KNDC1: variants seen among roughly 807,000 people sequenced by gnomAD.
The protein encoded by KNDC1 is kinase non-catalytic C-lobe domain-containing protein 1.
Under a neutral mutation model 172.8 loss-of-function variants are expected in KNDC1, and 106 were observed. The ratio of observed to expected loss-of-function variants is 0.61; its 90% CI spans 0.52 to 0.72. The LOEUF (loss-of-function observed/expected upper bound fraction) is 0.72, where lower values mean the gene tolerates loss of function less well. KNDC1 is among the 30% of genes least tolerant of loss of function. KNDC1 has a pLI of 0.00. For missense variants in KNDC1, 2,325 were observed against 2,394.5 expected, an observed-to-expected ratio of 0.97 and a Z score of 0.61; for synonymous variants, 1,083 against 1,062.2, an observed-to-expected ratio of 1.02 and a Z score of -0.38.
intron 6 of KNDC1, among the ~76,000 whole-genome samples, chr10:133,188,129 G>A (rs1438623379): frequency 6.6e-6 from 1 of 152,154 alleles, no homozygotes; most frequent in Non-Finnish European, 1.5e-5. Context: ...GCGTCCGTCC[G>A]TGGATGCCTG....
chr10:133,212,708 C>T lies in KNDC1; in HGVS notation c.4237-8C>T. ...CTTAGGCCCCTCAGTGCCCGGCCTGCCCTGCAGAGCTTCCCCTGGAGGCTG... is the reference window on the plus strand; with the variant it reads ...CTTAGGCCCCTCAGTGCCCGGCCTGTCCTGCAGAGCTTCCCCTGGAGGCTG... On this transcript the variant is annotated splice_region_variant and splice_polypyrimidine_tract_variant and intron_variant, in intron 23 of 29. Coordinates refer to ENST00000304613, the MANE Select transcript of KNDC1 (RefSeq NM_152643.8). 1 of 1,611,314 alleles carries T rather than the reference C, an allele frequency of 6.2e-7. No homozygotes were observed. The highest frequency in any genetic ancestry group is 8.5e-7 in the Non-Finnish European group (1 of 1,179,194).
In KNDC1 at chr10:133,186,252, C is replaced by A; in HGVS notation, c.904C>A (p.Leu302Met). The change falls in exon 6 of 30, where the codon CTG becomes ATG. Residue 302 changes from leucine to methionine, a missense_variant. Physicochemically the swap from Leu to Met is conservative, Grantham distance 15. Coordinates refer to ENST00000304613, the MANE Select transcript of KNDC1 (RefSeq NM_152643.8). Reference sequence around the variant, plus strand: ...CAGAGACGCCCTCAGGAGAAGCCGCCTGCGGAAGGTGCAGACGTTCCCTAG... The same window carrying A: ...CAGAGACGCCCTCAGGAGAAGCCGCATGCGGAAGGTGCAGACGTTCCCTAG... ...LDRDALRRSR[L>M]RKVQTFPRLL... 6.2e-7 allele frequency: 1 copy of A among 1,600,534 alleles called. No individual in the cohort carries two copies. The highest frequency in any genetic ancestry group is 1.1e-5 in the South Asian group (1 of 89,538).
chr10:133,196,307 G>A (rs555224715), intron 10 of KNDC1, among the ~76,000 whole-genome samples: 1 of 150,892 alleles, frequency 6.6e-6, no homozygotes, highest in Admixed American at 6.6e-5. Flanking sequence ...GGGTTCTAAC[G>A]TACTCCTGCT....
chr10:133,181,834 C>CACACACACACACACACACACA (rs1564881077), intron 3 of KNDC1, among the ~76,000 whole-genome samples: 1,986 of 138,818 alleles, frequency 0.014, 30 homozygotes, highest in East Asian at 0.028. Context: ...CCAGGACCGT[C>CACACACACACACACACACACA]CACACACACA....
intron 22 of KNDC1, 41 bp from the exon 23 acceptor site, chr10:133,211,638 G>A (rs1274064389): frequency 1.3e-6 from 2 of 1,592,080 alleles, no homozygotes; most frequent in African/African-American, 1.3e-5. Context: ...CCCTCCTCCA[G>A]AAGGTGGCAG....
rs752801503 is a variant in KNDC1 at position 133,201,526 on chromosome 10, G to A, written c.3015G>A (p.Arg1005=). The change falls in exon 17 of 30, where the codon AGG becomes AGA. Residue 1005 remains arginine (R), a synonymous_variant. Coordinates refer to ENST00000304613, the MANE Select transcript of KNDC1 (RefSeq NM_152643.8). Reference sequence around the variant, plus strand: ...GAAAAGAGAAGCCAGCCATGGCCAGGACCAGCAGCAGGGCCCCCTGCTCAC... The same window carrying A: ...GAAAAGAGAAGCCAGCCATGGCCAGAACCAGCAGCAGGGCCCCCTGCTCAC... ...RLGKEKPAMA[R]TSSRAPCSPT... 4 of 1,608,404 alleles carry A rather than the reference G, an allele frequency of 2.5e-6. No individual in the cohort carries two copies. The highest frequency in any genetic ancestry group is 1.3e-5 in the African/African-American group (1 of 74,752).
chr10:133,169,782 G>A (rs1035682537), intron 3 of KNDC1, among the ~76,000 whole-genome samples: 1 of 152,242 alleles, frequency 6.6e-6, no homozygotes, highest in African/African-American at 2.4e-5. Flanking sequence ...CCTGGTGGCT[G>A]TGATCCCTGG....
rs185797444 is a variant in KNDC1 at position 133,174,429 on chromosome 10, C to T, written c.360+6117C>T. Among the ~76,000 whole-genome samples, 603 of 140,858 alleles carry T rather than the reference C, an allele frequency of 4.3e-3. 19 individuals are homozygous for T. In the Middle Eastern group the frequency reaches 0.043, roughly 10 times the overall value. The allele number at this position is 140,858 out of a possible 152,430, so 92.4% of individuals were successfully genotyped here. ...CGGTGAAGATGGGGAACTTCCAACA[C>T]AGAAGGAAGGGCGGTGAGTGGGAAG... On this transcript the variant is annotated intron_variant, in intron 3 of 29. Coordinates refer to ENST00000304613, the MANE Select transcript of KNDC1 (RefSeq NM_152643.8).
Position 133,196,201 on chromosome 10 carries a change from C to A in KNDC1, c.1734+380C>A, listed in dbSNP as rs1388727542. On this transcript the variant is annotated intron_variant, in intron 10 of 29. Transcript: ENST00000304613. Reference sequence around the variant, plus strand: ...AGGGGAGCAGAGAGAGGCCTCCACACCTCACCCCCCACCCCGAACCCCCAC... The same window carrying A: ...AGGGGAGCAGAGAGAGGCCTCCACAACTCACCCCCCACCCCGAACCCCCAC... 9.9e-5 allele frequency among the ~76,000 whole-genome samples: 15 copies of A among 152,150 alleles called. 1 individual carries two copies. The highest frequency in any genetic ancestry group is 9.2e-4 in the Admixed American group (14 of 15,274).
Position 133,177,268 on chromosome 10 carries a change from C to A in KNDC1, c.361-6076C>A, listed in dbSNP as rs575717868. On this transcript the variant is annotated intron_variant, in intron 3 of 29. Coordinates refer to ENST00000304613, the MANE Select transcript of KNDC1 (RefSeq NM_152643.8). Reference sequence around the variant, plus strand: ...TATGATATAGTGTGTTTTGTGTGCACATGTATGTGGTCTGGCATATGTGTG... The same window carrying A: ...TATGATATAGTGTGTTTTGTGTGCAAATGTATGTGGTCTGGCATATGTGTG... Among the ~76,000 whole-genome samples, 6 of 152,002 alleles carry A rather than the reference C, an allele frequency of 3.9e-5. No homozygotes were observed. In the South Asian group the frequency reaches 1.2e-3, roughly 32 times the overall value.
chr10:133,195,826 C>T lies in KNDC1; in HGVS notation c.1734+5C>T. The T allele has an allele frequency of 1.3e-6, 2 of 1,548,344 alleles. No individual in the cohort carries two copies. Among genetic ancestry groups the T allele is most frequent in the Non-Finnish European group, 1.7e-6 (2 of 1,147,532 alleles). On this transcript the variant is annotated splice_donor_5th_base_variant and intron_variant, in intron 10 of 29. Coordinates refer to ENST00000304613, the MANE Select transcript of KNDC1 (RefSeq NM_152643.8). Reference sequence around the variant, plus strand: ...TCCGCGGCTGAGGCCATCAAGGTAACCACACCACAGTCATGGCCCCAGCCC... The same window carrying T: ...TCCGCGGCTGAGGCCATCAAGGTAATCACACCACAGTCATGGCCCCAGCCC...
chr10:133,189,876 C>G, intron 9 of KNDC1, 63 bp downstream of exon 9: 2 of 1,356,416 alleles, frequency 1.5e-6, no homozygotes, highest in Non-Finnish European at 1.0e-6. Context: ...GCCACGTCCC[C>G]CATCTGTCCA....
chr10:133,224,895 G>C lies in KNDC1; in HGVS notation c.*5G>C, dbSNP rs752930215. 1 of 1,604,938 alleles carries C rather than the reference G, an allele frequency of 6.2e-7. No homozygotes were observed. The highest frequency in any genetic ancestry group is 8.5e-7 in the Non-Finnish European group (1 of 1,172,490). On this transcript the variant is annotated 3_prime_UTR_variant, in exon 30 of 30. Coordinates refer to ENST00000304613, the MANE Select transcript of KNDC1 (RefSeq NM_152643.8). The surrounding 1 kb of genome is among the most constrained non-coding windows in gnomAD (Gnocchi z 5.4). ...ATGAAGGCTACATTCCAGTAGCCGA[G>C]CTCGGGCCTGGTGTGGAATTCCAGA...
At chr10:133,172,468 C>T (rs1031023485) in intron 3 of KNDC1, among the ~76,000 whole-genome samples, 2 of 152,186 alleles carry the variant, frequency 1.3e-5, no homozygotes, top group East Asian at 3.8e-4. Context: ...GATTTACTAA[C>T]GCTTGCTTCA....
chr10:133,220,943 G>T (rs886331652), intron 29 of KNDC1, among the ~76,000 whole-genome samples: 3 of 152,038 alleles, frequency 2.0e-5, no homozygotes, highest in African/African-American at 7.2e-5. Flanking sequence ...TGGGTACCTT[G>T]CCCCTCACTT....
chr10:133,221,094 G>A (rs1845577644), intron 29 of KNDC1, among the ~76,000 whole-genome samples: 2 of 152,058 alleles, frequency 1.3e-5, no homozygotes. Context: ...CCTGTGTTGG[G>A]ACCCAGGCAC....
In KNDC1 at chr10:133,186,667, C is replaced by T. The variant is rs764339506; in HGVS notation, c.1319C>T (p.Ala440Val). Residue 440 changes from alanine to valine, a missense_variant, in exon 6 of 30, where the codon GCG becomes GTG. By Grantham distance (64) the Ala-to-Val change is moderately conservative (BLOSUM62 0). Transcript: ENST00000304613. ...GCTAGGCAGCTGGAAAGTGCAGCCG[C>T]GGAGCAGGTGGGTGCCTGGGTCTTG... ...EGARQLESAA[A>V]EQWVSLQDLL... is the part of the protein sequence containing the mutation. 18 of 1,580,484 alleles carry T rather than the reference C, an allele frequency of 1.1e-5. No individual in the cohort carries two copies. The highest frequency in any genetic ancestry group is 2.2e-5 in the East Asian group (1 of 44,740).
intron 1 of KNDC1, among the ~76,000 whole-genome samples, chr10:133,161,284 G>A (rs1222779777): frequency 6.6e-6 from 1 of 152,160 alleles, no homozygotes; most frequent in Non-Finnish European, 1.5e-5. Flanking sequence ...AGCTCCCAGA[G>A]GGACCCTCAC....
intron 11 of KNDC1, 49 bp from the exon 12 acceptor site, chr10:133,197,626 T>G (rs1230943269): frequency 7.0e-7 from 1 of 1,434,412 alleles, no homozygotes; most frequent in South Asian, 1.1e-5. Flanking sequence ...TTGCCGGCGC[T>G]GGCGGAGCTC....
Sources: gnomAD v4.1 joint callset for allele counts (sites outside exome capture counted in the v4.1 genomes callset) on GRCh38, gnomAD v4.1.1 for gene constraint, Gnocchi (gnomAD v3.1) non-coding constraint, MANE v1.5 for transcripts, NCBI Gene and HGNC (gene_info 2026-07-23, HGNC 2026-07-21) for gene names.